Variants in MECOM observed in about 807,000 individuals in gnomAD.
The protein encoded by MECOM is histone-lysine N-methyltransferase MECOM.
A neutral mutation model predicts 116.3 loss-of-function variants in MECOM; 13 were observed. The ratio of observed to expected loss-of-function variants is 0.11; its 90% CI spans 0.07 to 0.18. The LOEUF (loss-of-function observed/expected upper bound fraction) is 0.18. MECOM is among the 10% of genes least tolerant of loss of function. The pLI is 1.00. For missense variants in MECOM, 1,299 were observed against 1,509.0 expected, an observed-to-expected ratio of 0.86 and a Z score of 2.31; for synonymous variants, 528 against 535.2, an observed-to-expected ratio of 0.99 and a Z score of 0.19.
At chr3:169,161,943 T>C (rs1231681122) in intron 2 of MECOM, among the ~76,000 whole-genome samples, 3 of 152,202 alleles carry the variant, frequency 2.0e-5, no homozygotes, top group Non-Finnish European at 4.4e-5. Flanking sequence ...TGACTGAAGC[T>C]GCCATTTTCC....
intron 1 of MECOM, among the ~76,000 whole-genome samples, chr3:169,529,467 G>GC (rs1306799950): frequency 6.6e-6 from 1 of 152,088 alleles, no homozygotes; most frequent in Non-Finnish European, 1.5e-5. Flanking sequence ...GCTAACAATT[G>GC]CCAAGGCTTC....
chr3:169,553,661 A>C (rs1432602525), intron 1 of MECOM, among the ~76,000 whole-genome samples: 2 of 152,230 alleles, frequency 1.3e-5, no homozygotes, highest in Non-Finnish European at 2.9e-5. Context: ...ATTTTCTCAC[A>C]GTTCCAGATG....
chr3:169,264,997 C>G (rs535344782), intron 2 of MECOM, among the ~76,000 whole-genome samples: 4 of 151,828 alleles, frequency 2.6e-5, no homozygotes, highest in Non-Finnish European at 4.4e-5. Flanking sequence ...GTCAGGATCT[C>G]TACCAACTAA....
intron 1 of MECOM, among the ~76,000 whole-genome samples, chr3:169,593,539 T>C (rs371204922): frequency 9.2e-5 from 14 of 152,276 alleles, no homozygotes; most frequent in African/African-American, 3.4e-4. Flanking sequence ...GTGTTATTGA[T>C]AAAAATTCAG....
At chr3:169,345,764 A>AGGC (rs1366816869) in intron 2 of MECOM, among the ~76,000 whole-genome samples, 1 of 152,156 alleles carries the variant, frequency 6.6e-6, no homozygotes, top group Non-Finnish European at 1.5e-5. Context: ...CACAAAATTA[A>AGGC]TAGACAGTTT....
intron 1 of MECOM, among the ~76,000 whole-genome samples, chr3:169,643,211 A>T (rs1167461893): frequency 6.6e-6 from 1 of 152,210 alleles, no homozygotes; most frequent in African/African-American, 2.4e-5. Context: ...CTAATAATTC[A>T]ACTCCTCATT....
chr3:169,454,082 C>G (rs1279572549), intron 1 of MECOM, among the ~76,000 whole-genome samples: 1 of 152,100 alleles, frequency 6.6e-6, no homozygotes, highest in Non-Finnish European at 1.5e-5. Context: ...GTCCTCATTT[C>G]TTTGGAAAGG....
chr3:169,429,117 CT>C (rs1741184378), intron 1 of MECOM, among the ~76,000 whole-genome samples: 12 of 152,144 alleles, frequency 7.9e-5, no homozygotes, highest in Admixed American at 7.9e-4. Context: ...GGAGTCAACT[CT>C]AAACTTCCTT....
At chr3:169,272,685 A>C (rs1474155639) in intron 2 of MECOM, among the ~76,000 whole-genome samples, 1 of 152,176 alleles carries the variant, frequency 6.6e-6, no homozygotes, top group Non-Finnish European at 1.5e-5. Context: ...ATGTTAAGAA[A>C]GGGAGAAAGC....
chr3:169,276,904 A>G (rs1414419795), intron 2 of MECOM, among the ~76,000 whole-genome samples: 1 of 152,344 alleles, frequency 6.6e-6, no homozygotes, highest in East Asian at 1.9e-4. Context: ...CAGAGTGAGC[A>G]TTATATAAAG....
At chr3:169,181,720 A>G (rs774206609) in intron 2 of MECOM, among the ~76,000 whole-genome samples, 1 of 152,168 alleles carries the variant, frequency 6.6e-6, no homozygotes, top group East Asian at 1.9e-4. Flanking sequence ...TGGATAGGAA[A>G]CTTAAACTGT....
intron 1 of MECOM, among the ~76,000 whole-genome samples, chr3:169,435,730 G>A (rs372705875): frequency 6.6e-6 from 1 of 152,028 alleles, no homozygotes; most frequent in South Asian, 2.1e-4. Flanking sequence ...TCTTAATTCC[G>A]TTTATTTAGA....
At chr3:169,572,881 G>C (rs1271663964) in intron 1 of MECOM, among the ~76,000 whole-genome samples, 1 of 152,080 alleles carries the variant, frequency 6.6e-6, no homozygotes, top group Non-Finnish European at 1.5e-5. Flanking sequence ...TAATGTAGAT[G>C]ACAGGTTGAT....
At chr3:169,285,315 T>G (rs191175289) in intron 2 of MECOM, among the ~76,000 whole-genome samples, 1 of 152,222 alleles carries the variant, frequency 6.6e-6, no homozygotes, top group East Asian at 1.9e-4. Context: ...TTTCAACACA[T>G]GAACATTATT....
chr3:169,090,476 G>A (rs115659029), intron 14 of MECOM, among the ~76,000 whole-genome samples: 2,533 of 152,050 alleles, frequency 0.017, 29 homozygotes, highest in Middle Eastern at 0.041. Context: ...GGCAGAACCC[G>A]AAAAACAATC....
intron 1 of MECOM, chr3:169,389,533 T>C (rs1474917031): frequency 2.0e-6 from 2 of 984,892 alleles, no homozygotes; most frequent in Admixed American, 6.1e-5. Context: ...AGTACAAATT[T>C]TTGAGAGACT....
At chr3:169,594,659 C>T (rs1766914364) in intron 1 of MECOM, among the ~76,000 whole-genome samples, 1 of 151,456 alleles carries the variant, frequency 6.6e-6, no homozygotes, top group African/African-American at 2.4e-5. Flanking sequence ...GCAGGCTGAG[C>T]AAGGGAGATC....
At chr3:169,093,209 C>A in intron 13 of MECOM, 107 bp from the exon 14 acceptor site, 1 of 1,107,398 alleles carries the variant, frequency 9.0e-7, no homozygotes, top group East Asian at 2.5e-5. Context: ...TTAAAACATG[C>A]CCTATGAATA....
intron 2 of MECOM, among the ~76,000 whole-genome samples, chr3:169,312,625 G>C (rs1044890769): frequency 6.6e-6 from 1 of 152,234 alleles, no homozygotes; most frequent in Middle Eastern, 3.4e-3. Flanking sequence ...TGATCCGCCC[G>C]CCTCGGCCTC....
Sources: allele counts gnomAD v4.1 joint callset (sites outside exome capture counted in the v4.1 genomes callset), GRCh38; gene constraint gnomAD v4.1.1; transcripts MANE v1.5; gene names NCBI Gene and HGNC (gene_info 2026-07-23, HGNC 2026-07-21).